Variants in TSPAN9 observed in about 807,000 individuals in gnomAD.
TSPAN9 encodes the protein tetraspanin-9.
In TSPAN9, 16 loss-of-function variants were observed where a neutral mutation model predicts 31.0. That is an observed-to-expected ratio of 0.52 (90% CI 0.35 to 0.78). The LOEUF is 0.78. Ranked by LOEUF, TSPAN9 falls within the 30% of genes least tolerant of loss-of-function variation. TSPAN9 has a pLI of 0.01. For synonymous variants in TSPAN9, 145 were observed against 121.6 expected, an observed-to-expected ratio of 1.19 and a Z score of -1.27; for missense variants, 272 against 312.5, an observed-to-expected ratio of 0.87 and a Z score of 0.98.
intron 3 of TSPAN9, among the ~76,000 whole-genome samples, chr12:3,233,249 A>G (rs936908780): frequency 2.0e-5 from 3 of 152,224 alleles, no homozygotes; most frequent in East Asian, 1.9e-4. Context: ...GGTTACAAGC[A>G]TGTAAAATTA....
At chr12:3,245,635 A>G (rs1342524593) in intron 3 of TSPAN9, among the ~76,000 whole-genome samples, 1 of 152,170 alleles carries the variant, frequency 6.6e-6, no homozygotes, top group Non-Finnish European at 1.5e-5. Context: ...CGGAAGAATC[A>G]GAGCCACCAA....
chr12:3,269,525 C>T (rs1862629414), intron 3 of TSPAN9, among the ~76,000 whole-genome samples: 1 of 149,328 alleles, frequency 6.7e-6, no homozygotes, highest in East Asian at 2.0e-4. Context: ...TGCAGCCTGC[C>T]CTCCGTGCGT....
chr12:3,101,478 C>T (rs999697455), intron 2 of TSPAN9, among the ~76,000 whole-genome samples: 3 of 152,166 alleles, frequency 2.0e-5, no homozygotes, highest in African/African-American at 2.4e-5. Flanking sequence ...TTGGATCTTA[C>T]TCCTCCTCTG....
At chr12:3,099,173 T>TG (rs1368787931) in intron 2 of TSPAN9, among the ~76,000 whole-genome samples, 2 of 150,958 alleles carry the variant, frequency 1.3e-5, no homozygotes, top group Admixed American at 6.6e-5. Context: ...ATATGGATAT[T>TG]TGACTGTTTG....
intron 2 of TSPAN9, among the ~76,000 whole-genome samples, chr12:3,140,789 G>A (rs1026486115): frequency 1.3e-5 from 2 of 152,056 alleles, no homozygotes; most frequent in African/African-American, 4.8e-5. Context: ...ATGCTGTGAG[G>A]TTCCTGGGAA....
At chr12:3,222,837 A>T (rs1049420859) in intron 3 of TSPAN9, among the ~76,000 whole-genome samples, 1 of 152,184 alleles carries the variant, frequency 6.6e-6, no homozygotes, top group African/African-American at 2.4e-5. Context: ...CCACCCTGGG[A>T]TGAAAGACCA....
At chr12:3,106,634 G>A (rs1452446019) in intron 2 of TSPAN9, among the ~76,000 whole-genome samples, 2 of 152,112 alleles carry the variant, frequency 1.3e-5, no homozygotes, top group Non-Finnish European at 2.9e-5. Context: ...GGCCACACGG[G>A]GTGGCATGTG....
intron 3 of TSPAN9, among the ~76,000 whole-genome samples, chr12:3,214,779 C>T (rs910419908): frequency 6.6e-6 from 1 of 152,132 alleles, no homozygotes; most frequent in African/African-American, 2.4e-5. Flanking sequence ...CCTTGTTTGA[C>T]ACACAGAACT....
chr12:3,173,456 C>T (rs1270021343), intron 2 of TSPAN9: 1 of 152,306 alleles, frequency 6.6e-6, no homozygotes, highest in Non-Finnish European at 1.5e-5. Context: ...TATGCCCATA[C>T]TGGCATTGTA....
intron 3 of TSPAN9, chr12:3,211,518 C>A (rs916991196): frequency 1.5e-6 from 1 of 672,114 alleles, no homozygotes; most frequent in South Asian, 2.0e-5. Context: ...CAGCCAGCCT[C>A]TTCCCCCAAA....
intron 2 of TSPAN9, among the ~76,000 whole-genome samples, chr12:3,191,439 T>C (rs528418709): frequency 3.3e-5 from 5 of 152,112 alleles, no homozygotes; most frequent in Non-Finnish European, 7.4e-5. Flanking sequence ...TGCCATTTCA[T>C]AGGGTGCGGA....
At chr12:3,138,920 C>T (rs1023711199) in intron 2 of TSPAN9, among the ~76,000 whole-genome samples, 29 of 152,196 alleles carry the variant, frequency 1.9e-4, no homozygotes, top group Non-Finnish European at 2.9e-5. Flanking sequence ...CCCCTCAGCC[C>T]GTGCTCTGTT....
intron 2 of TSPAN9, among the ~76,000 whole-genome samples, chr12:3,086,825 A>T (rs933686091): frequency 3.3e-5 from 5 of 152,224 alleles, no homozygotes; most frequent in Non-Finnish European, 5.9e-5. Flanking sequence ...TACAGCTGGA[A>T]CAAGGTCCAA....
In TSPAN9 at chr12:3,280,598, G is replaced by A. The variant is rs749915031; in HGVS notation, c.432+115G>A. On this transcript the variant is annotated intron_variant, in intron 6 of 8. Coordinates refer to ENST00000011898, the MANE Select transcript of TSPAN9 (RefSeq NM_006675.5). This position sits in a 1 kb window ranked among gnomAD's most constrained non-coding sequence, Gnocchi z 4.5. The stretch of plus-strand genomic sequence containing the variant: ...CACCTGTGCTTTCTGGATTTTAGCC[G>A]GGAGTGGAGTGGTACCCACGGGGGC... The A allele has an allele frequency of 1.7e-5, 16 of 967,052 alleles. No homozygotes were observed. Among genetic ancestry groups the A allele is most frequent in the Admixed American group, 4.3e-5 (2 of 46,266 alleles). The allele number at this position is 967,052 out of a possible 1,614,324, so 59.9% of individuals were successfully genotyped here.
intron 2 of TSPAN9, among the ~76,000 whole-genome samples, chr12:3,110,955 C>T (rs1189685299): frequency 1.3e-5 from 2 of 152,108 alleles, no homozygotes; most frequent in East Asian, 1.9e-4. Context: ...AGAAAGGAAG[C>T]AGCAACCCAG....
intron 3 of TSPAN9, among the ~76,000 whole-genome samples, chr12:3,225,750 T>C (rs2098386876): frequency 6.6e-6 from 1 of 151,944 alleles, no homozygotes; most frequent in Admixed American, 6.5e-5. Context: ...GATTTTTTTT[T>C]TTTCAAATAG....
chr12:3,158,559 TA>T (rs1227846250), intron 2 of TSPAN9, among the ~76,000 whole-genome samples: 1 of 151,850 alleles, frequency 6.6e-6, no homozygotes, highest in East Asian at 1.9e-4. Context: ...CCATCTCTAC[TA>T]AAAATACAAA....
intron 3 of TSPAN9, among the ~76,000 whole-genome samples, chr12:3,229,660 C>T (rs1056818555): frequency 1.3e-5 from 2 of 152,188 alleles, no homozygotes; most frequent in Admixed American, 6.5e-5. Context: ...TAGAGGATGC[C>T]TCAAAGATAG....
At chr12:3,081,202 A>G (rs989033640) in intron 1 of TSPAN9, among the ~76,000 whole-genome samples, 13 of 152,110 alleles carry the variant, frequency 8.5e-5, no homozygotes, top group African/African-American at 3.1e-4. Flanking sequence ...CGTGGAGGAG[A>G]CTGGACTAAG....
Sources: gnomAD v4.1 joint callset for allele counts (sites outside exome capture counted in the v4.1 genomes callset) on GRCh38, gnomAD v4.1.1 for gene constraint, Gnocchi (gnomAD v3.1) non-coding constraint, MANE v1.5 for transcripts, NCBI Gene and HGNC (gene_info 2026-07-23, HGNC 2026-07-21) for gene names.